Variants in LTBP4 observed in about 807,000 individuals in gnomAD.
LTBP4 encodes latent transforming growth factor beta binding protein 4.
A neutral mutation model predicts 180.2 loss-of-function variants in LTBP4; 93 were observed. The ratio of observed to expected loss-of-function variants is 0.52; its 90% CI spans 0.44 to 0.61. LTBP4 has a LOEUF of 0.61. LTBP4 is among the 20% of genes least tolerant of loss of function. LTBP4 has a pLI of 0.00. For missense variants in LTBP4, 2,116 were observed against 2,256.5 expected, an observed-to-expected ratio of 0.94 and a Z score of 1.26; for synonymous variants, 947 against 934.5, an observed-to-expected ratio of 1.01 and a Z score of -0.24.
upstream of LTBP4, chr19:40,597,470 C>G: frequency 7.5e-7 from 1 of 1,339,760 alleles, no homozygotes; most frequent in African/African-American, 1.5e-5. Flanking sequence ...GAAACTCGAA[C>G]CCACTGCTTC....
chr19:40,609,945 A>G lies in LTBP4; in HGVS notation c.1684+74A>G. 6.9e-7 allele frequency: 1 copy of G among 1,445,346 alleles called. No homozygotes were observed. The highest frequency in any genetic ancestry group is 1.4e-5 in the South Asian group (1 of 70,236). 89.5% of individuals were successfully genotyped at this position (1,445,346 alleles called of 1,614,324 possible). A position where few individuals can be genotyped will look rare whatever the true frequency, so the allele number is the denominator to read the frequency against. ...CCTGCTCTCACTCCAGAGCCTCTCC[A>G]GCCCTCCCACGCTTCCCCTCTCGGG... On this transcript the variant is annotated intron_variant, in intron 11 of 29. Transcript: ENST00000396819. The surrounding 1 kb of genome is among the most constrained non-coding windows in gnomAD (Gnocchi z 4.9).
chr19:40,620,001 A>C (rs998839812), intron 22 of LTBP4, among the ~76,000 whole-genome samples: 1 of 152,172 alleles, frequency 6.6e-6, no homozygotes, highest in Admixed American at 6.6e-5. Flanking sequence ...CCGATGAGTG[A>C]GGAGGGCATT....
chr19:40,614,144 C>G, intron 18 of LTBP4, 106 bp downstream of exon 18: 4 of 1,506,918 alleles, frequency 2.7e-6, no homozygotes, highest in Non-Finnish European at 3.6e-6. Flanking sequence ...CTCCCCTTAC[C>G]TCTTTCCCCC....
intron 1 of LTBP4, among the ~76,000 whole-genome samples, chr19:40,595,905 A>ATTTTTTTT (rs60121587): frequency 3.7e-4 from 22 of 60,066 alleles, no homozygotes; most frequent in Admixed American, 8.2e-4. Context: ...TAATTTTTGG[A>ATTTTTTTT]TTTTTTTTTT....
In LTBP4 at chr19:40,605,594, A is replaced by G. The variant is rs1026465859; in HGVS notation, c.632A>G (p.Asp211Gly). The change falls in exon 3 of 30, where the codon GAC becomes GGC. Residue 211 changes from aspartate (D) to glycine (G), a missense_variant. By Grantham distance (94) the Asp-to-Gly change is moderately conservative. Around this residue, in one of 5 missense-constraint regions of LTBP4, gnomAD observed 469 missense variants for 532.5 expected, o/e 0.88. Transcript: ENST00000396819. This position sits in a 1 kb window ranked among gnomAD's most constrained non-coding sequence, Gnocchi z 5.5. ...TTGGCACAGAGCGCGCCGCGGGAGG[A>G]CGGCTACTCAGATGCCTCGGGCTTC... The part of the protein sequence containing the change: ...TVLAQSAPRE[D>G]GYSDASGFGY... 7 of 1,600,144 alleles carry G rather than the reference A, an allele frequency of 4.4e-6. No homozygotes were observed. Among genetic ancestry groups the G allele is most frequent in the African/African-American group, 1.3e-5 (1 of 74,708 alleles).
In LTBP4 at chr19:40,625,281, TATATATATATATATATATATA is replaced by T. The variant is rs2081619984; in HGVS notation, c.3833-575_3833-555del. ...ATATATATATATATATATATATATA[TATATATATATATATATATATA>T]TATATATATATATATTTTTTTTTTT... On this transcript the variant is annotated intron_variant, in intron 26 of 29. Coordinates refer to ENST00000396819, the MANE Select transcript of LTBP4 (RefSeq NM_001042545.2). 2.2e-3 allele frequency among the ~76,000 whole-genome samples: 22 copies of T among 9,800 alleles called. 3 individuals are homozygous for T. The highest frequency in any genetic ancestry group is 0.013 in the African/African-American group (13 of 1,034). The allele number at this position is 9,800 out of a possible 152,430, so 6.4% of individuals were successfully genotyped here. A position where few individuals can be genotyped will look rare whatever the true frequency, so the allele number is the denominator to read the frequency against.
Position 40,611,265 on chromosome 19 carries a change from G to A in LTBP4, c.1924G>A (p.Glu642Lys), listed in dbSNP as rs766234842. ...TGGCTTCCGGGGCTCGGCGTGTGAAGAGGATGTGGATGAGTGTGCCCAGGA... is the reference window on the plus strand; with the variant it reads ...TGGCTTCCGGGGCTCGGCGTGTGAAAAGGATGTGGATGAGTGTGCCCAGGA... ...PAGFRGSACE[E>K]DVDECAQEPP... Residue 642 changes from glutamate (E) to lysine (K), a missense_variant, in exon 13 of 30, where the codon GAG (glutamate) becomes AAG (lysine). This residue lies in a region of LTBP4 where 877 missense variants were observed against 873.6 expected (regional missense o/e 1.00). Transcript: ENST00000396819. This position sits in a 1 kb window ranked among gnomAD's most constrained non-coding sequence, Gnocchi z 4.4. The A allele has an allele frequency of 2.5e-6, 4 of 1,612,732 alleles. No individual in the cohort carries two copies. The South Asian group carries it at 3.3e-5, about 13-fold the overall frequency.
upstream of LTBP4, chr19:40,599,557 G>T: frequency 6.2e-7 from 1 of 1,606,878 alleles, no homozygotes; most frequent in Non-Finnish European, 8.5e-7. Context: ...AGCCACTGAC[G>T]TGAGTGGGCA....
At position 40,629,671 on chromosome 19, in the gene LTBP4, C is replaced by T. The variant is rs551134075; in HGVS notation, c.*121C>T. 28 of 1,066,816 alleles carry T rather than the reference C, an allele frequency of 2.6e-5. No homozygotes were observed. The South Asian group carries it at 5.2e-4, about 20-fold the overall frequency. 66.1% of individuals were successfully genotyped at this position (1,066,816 alleles called of 1,614,324 possible). On this transcript the variant is annotated 3_prime_UTR_variant, in exon 30 of 30. Transcript: ENST00000396819. The surrounding 1 kb of genome is among the most constrained non-coding windows in gnomAD (Gnocchi z 4.5). ...CGCCTGGACCTGGAGAAGGGACCTA[C>T]GGACGCCTGGAAGCTGCGACGCCCT...
At position 40,601,634 on chromosome 19, in the gene LTBP4, G is replaced by A; in HGVS notation, c.247G>A (p.Ala83Thr). 7.3e-7 allele frequency: 1 copy of A among 1,366,422 alleles called. No individual in the cohort carries two copies. The highest frequency in any genetic ancestry group is 9.4e-7 in the Non-Finnish European group (1 of 1,066,514). The allele number at this position is 1,366,422 out of a possible 1,614,324, so 84.6% of individuals were successfully genotyped here. ...GAAPGGPGFR[A>T]FLCPLICHNG... ...GGCCCCGGGGGGACCCGGCTTCCGC[G>A]CCTGTGAGTGCGGGGTGGTGGTCCC... Residue 83 changes from alanine to threonine, a missense_variant, in exon 1 of 30, where the codon GCC becomes ACC. Transcript: ENST00000396819.
intron 19 of LTBP4, among the ~76,000 whole-genome samples, chr19:40,615,891 A>AT (rs1402238192): frequency 6.6e-6 from 1 of 152,250 alleles, no homozygotes; most frequent in Non-Finnish European, 1.5e-5. Flanking sequence ...GACAGTTGGC[A>AT]TACCAATAAA....
chr19:40,601,284 T>C (rs1040805633), upstream of LTBP4: 81 of 902,282 alleles, frequency 9.0e-5, no homozygotes, highest in African/African-American at 1.4e-3. Flanking sequence ...AGGGGGGGCC[T>C]GAGCGGGGGC....
chr19:40,623,715 A>T lies in LTBP4; in HGVS notation c.3668A>T (p.Gln1223Leu). 3.1e-6 allele frequency: 5 copies of T among 1,613,828 alleles called. No individual in the cohort carries two copies. The highest frequency in any genetic ancestry group is 3.3e-4 in the Middle Eastern group (2 of 6,062). The change falls in exon 25 of 30, where the codon CAG becomes CTG. Residue 1223 changes from glutamine to leucine, a missense_variant. Transcript: ENST00000396819. The part of the protein sequence containing the change: ...YCSNGYYYHT[Q>L]RLECIDNDEC... ...AGCAACGGCTACTACTACCACACAC[A>T]GCGGCTGGAGTGCATCGGTACAAGC... is the stretch of plus-strand genomic sequence containing the variant.
chr19:40,624,213 C>T, intron 26 of LTBP4, 131 bp downstream of exon 26: 1 of 1,148,318 alleles, frequency 8.7e-7, no homozygotes, highest in Non-Finnish European at 1.2e-6. Context: ...CCACGCCCCA[C>T]TGAGCCCTCA....
In LTBP4 at chr19:40,605,399, C is replaced by G; in HGVS notation, c.443-6C>G. The stretch of plus-strand genomic sequence containing the variant: ...ACATCCGTTTGCCCGGCCGTGCCTC[C>G]CCTAGGCGTGGCATCTATGGTGAGC... On this transcript the variant is annotated splice_region_variant and splice_polypyrimidine_tract_variant and intron_variant, in intron 2 of 29. Coordinates refer to ENST00000396819, the MANE Select transcript of LTBP4 (RefSeq NM_001042545.2). The surrounding 1 kb of genome is among the most constrained non-coding windows in gnomAD (Gnocchi z 5.5). 6.2e-7 allele frequency: 1 copy of G among 1,612,750 alleles called. No homozygotes were observed.
chr19:40,613,507 AC>A lies in LTBP4; in HGVS notation c.2539del (p.Arg847AlafsTer179), dbSNP rs1295247331. On this transcript the variant is annotated frameshift_variant, in exon 17 of 30. Transcript: ENST00000396819. LOFTEE classifies it high-confidence loss of function. The surrounding 1 kb of genome is among the most constrained non-coding windows in gnomAD (Gnocchi z 5.0). ...CTCAPGYRPG[P>X]RGASCLDVDE... ...CTTGTGCCCCTGGCTACCGACCCGG[AC>A]CCCGCGGAGCCTCTTGCCTCGGTTC... is the stretch of plus-strand genomic sequence containing the variant. The A allele has an allele frequency of 6.4e-7, 1 of 1,574,230 alleles. No individual in the cohort carries two copies. The highest frequency in any genetic ancestry group is 1.4e-5 in the African/African-American group (1 of 73,718).
intron 24 of LTBP4, among the ~76,000 whole-genome samples, chr19:40,623,308 G>A (rs895028874): frequency 4.6e-5 from 7 of 151,818 alleles, no homozygotes; most frequent in Non-Finnish European, 1.0e-4. Flanking sequence ...TGGCGTAGCT[G>A]GCTACAGACA....
chr19:40,609,835 G>A lies in LTBP4; in HGVS notation c.1648G>A (p.Gly550Ser), dbSNP rs1190175470. 2.5e-6 allele frequency: 4 copies of A among 1,601,180 alleles called. No individual in the cohort carries two copies. In the South Asian group the frequency reaches 4.4e-5, roughly 18 times the overall value. Residue 550 changes from glycine to serine, a missense_variant, in exon 11 of 30, where the codon GGC (glycine) becomes AGC (serine). Physicochemically the swap from Gly to Ser is moderately conservative, Grantham distance 56. This residue lies in a region of LTBP4 where 877 missense variants were observed against 873.6 expected (regional missense o/e 1.00). Coordinates refer to ENST00000396819, the MANE Select transcript of LTBP4 (RefSeq NM_001042545.2). This position sits in a 1 kb window ranked among gnomAD's most constrained non-coding sequence, Gnocchi z 4.9. ...CAGCTTCCGCTGCGTGTGCGGCCCG[G>A]GCTTCCGAGCCGGCCCACGGGCTGC... ...PGSFRCVCGPGFRAGPRAAEC... is the reference protein window; with the variant it reads ...PGSFRCVCGPSFRAGPRAAEC...
chr19:40,627,843 G>C lies in LTBP4; in HGVS notation c.4505G>C (p.Arg1502Pro), dbSNP rs897376392. ...CFDGYRLDMTRMACVDINECD... is the reference protein window; with the variant it reads ...CFDGYRLDMTPMACVDINECD... ...GACGGCTACCGCCTGGACATGACCC[G>C]CATGGCCTGCGTTGGTGAGGGCGGG... Residue 1502 changes from arginine to proline, a missense_variant, in exon 29 of 30, where the codon CGC becomes CCC. Arg to Pro is a moderately radical substitution (Grantham distance 103). Around this residue, in one of 5 missense-constraint regions of LTBP4, gnomAD observed 488 missense variants for 458.8 expected, o/e 1.06. Coordinates refer to ENST00000396819, the MANE Select transcript of LTBP4 (RefSeq NM_001042545.2). 25 of 1,566,046 alleles carry C rather than the reference G, an allele frequency of 1.6e-5. No homozygotes were observed. Among genetic ancestry groups the C allele is most frequent in the Non-Finnish European group, 1.9e-5 (22 of 1,162,356 alleles).
Sources: gnomAD v4.1 joint callset for allele counts (sites outside exome capture counted in the v4.1 genomes callset) on GRCh38, gnomAD v4.1.1 for gene constraint, gnomAD v4.1.1 regional missense constraint, Gnocchi (gnomAD v3.1) non-coding constraint, MANE v1.5 for transcripts, NCBI Gene and HGNC (gene_info 2026-07-23, HGNC 2026-07-21) for gene names.